The following ZSCAN2 variants were observed in gnomAD, a reference collection of about 807,000 sequenced individuals.
The protein encoded by ZSCAN2 is zinc finger and SCAN domain containing 2.
Under a neutral mutation model 47.8 loss-of-function variants are expected in ZSCAN2, and 26 were observed. The observed-to-expected ratio is 0.54, with a 90% CI of 0.40 to 0.75. The LOEUF (loss-of-function observed/expected upper bound fraction) is 0.75, where lower values mean the gene tolerates loss of function less well. ZSCAN2 is among the 30% of genes least tolerant of loss of function. The pLI is 0.00. For missense variants in ZSCAN2, 732 were observed against 785.4 expected (o/e 0.93, Z 0.81); for synonymous variants, 305 against 288.7 (o/e 1.06, Z -0.57).
At chr15:84,613,085 A>G (rs1270405992) in intron 2 of ZSCAN2, among the ~76,000 whole-genome samples, 1 of 152,178 alleles carries the variant, frequency 6.6e-6, no homozygotes, top group Non-Finnish European at 1.5e-5. Flanking sequence ...TTCTTCCAGC[A>G]TCATTTATTG....
intron 2 of ZSCAN2, among the ~76,000 whole-genome samples, chr15:84,618,348 G>A (rs1895742508): frequency 6.6e-6 from 1 of 152,126 alleles, no homozygotes; most frequent in African/African-American, 2.4e-5. Context: ...AACTCGGGAG[G>A]CTGAGGTTGC....
intron 2 of ZSCAN2, among the ~76,000 whole-genome samples, chr15:84,610,975 T>C (rs1895531246): frequency 1.3e-5 from 2 of 152,138 alleles, no homozygotes; most frequent in Admixed American, 6.5e-5. Flanking sequence ...ATAAACAATT[T>C]AGAAATGAAG....
intron 2 of ZSCAN2, among the ~76,000 whole-genome samples, chr15:84,613,098 T>G (rs1895599550): frequency 6.6e-6 from 1 of 152,252 alleles, no homozygotes; most frequent in East Asian, 1.9e-4. Flanking sequence ...ATTTATTGTA[T>G]GTTGTGTCTC....
intron 2 of ZSCAN2, 113 bp from the exon 3 acceptor site, chr15:84,620,489 A>G: frequency 1.1e-6 from 1 of 907,002 alleles, no homozygotes. Context: ...AGGATTTTCT[A>G]GCCTCTTTGT....
intron 2 of ZSCAN2, among the ~76,000 whole-genome samples, chr15:84,604,782 G>A (rs1204993610): frequency 6.4e-5 from 9 of 140,336 alleles, no homozygotes; most frequent in Non-Finnish European, 1.0e-4. Context: ...CTGTCACCCA[G>A]GCTGGGGTGC....
Position 84,621,902 on chromosome 15 carries a change from G to A in ZSCAN2, c.1707G>A (p.Trp569Ter), listed in dbSNP as rs776232351. 6.8e-6 allele frequency: 11 copies of A among 1,614,052 alleles called. No individual in the cohort carries two copies. The highest frequency in any genetic ancestry group is 8.5e-6 in the Non-Finnish European group (10 of 1,180,040). ...CTGAGTGTGGGAAAGGCTTTAGCTGGAACTCAGTCCTCATTATACATCAGC... is the reference window on the plus strand; with the variant it reads ...CTGAGTGTGGGAAAGGCTTTAGCTGAAACTCAGTCCTCATTATACATCAGC... ...RCPECGKGFS[W>*]NSVLIIHQRI... The change falls in exon 3 of 3, where the codon TGG (tryptophan) becomes TGA (stop). Residue 569 changes from tryptophan to a stop codon, truncating the protein, a stop_gained. Coordinates refer to ENST00000546148, the MANE Select transcript of ZSCAN2 (RefSeq NM_181877.4). LOFTEE classifies it high-confidence loss of function. This position sits in a 1 kb window ranked among gnomAD's most constrained non-coding sequence, Gnocchi z 5.7.
At chr15:84,601,713 AT>A (rs906519863) in intron 1 of ZSCAN2, among the ~76,000 whole-genome samples, 6 of 151,626 alleles carry the variant, frequency 4.0e-5, no homozygotes, top group African/African-American at 1.5e-4. Context: ...TTTTTAAAAA[AT>A]TTTTTTATTT....
chr15:84,603,686 C>A (rs1895280542), intron 1 of ZSCAN2, 134 bp from the exon 2 acceptor site: 7 of 426,476 alleles, frequency 1.6e-5, no homozygotes, highest in South Asian at 1.2e-4. Flanking sequence ...GCCATTTTTT[C>A]TTTAAGAAGA....
chr15:84,615,144 C>T (rs907942952), intron 2 of ZSCAN2, among the ~76,000 whole-genome samples: 4 of 151,904 alleles, frequency 2.6e-5, no homozygotes, highest in Admixed American at 6.6e-5. Flanking sequence ...TTAGTAGAGA[C>T]GGGGTTTCAC....
chr15:84,605,033 G>A (rs12438560), intron 2 of ZSCAN2, among the ~76,000 whole-genome samples: 3,514 of 152,260 alleles, frequency 0.023, 144 homozygotes, highest in Admixed American at 0.12. Context: ...ACCACGCCTG[G>A]CCCCAAAGTG....
chr15:84,604,933 T>C (rs1302202454), intron 2 of ZSCAN2, among the ~76,000 whole-genome samples: 1 of 152,012 alleles, frequency 6.6e-6, no homozygotes, highest in Non-Finnish European at 1.5e-5. Context: ...AGATGGGGCT[T>C]CACCATGTTC....
intron 1 of ZSCAN2, among the ~76,000 whole-genome samples, chr15:84,603,504 A>C (rs1019421819): frequency 6.6e-6 from 1 of 151,544 alleles, no homozygotes; most frequent in African/African-American, 2.4e-5. Context: ...AAGTAGCAGG[A>C]ACTACAGGCC....
rs569863882 is a variant in ZSCAN2 at position 84,619,450 on chromosome 15, T to C, written c.407-1152T>C. Among the ~76,000 whole-genome samples, 9 of 152,094 alleles carry C rather than the reference T, an allele frequency of 5.9e-5. No homozygotes were observed. In the South Asian group the frequency reaches 1.9e-3, roughly 32 times the overall value. On this transcript the variant is annotated intron_variant, in intron 2 of 2. Transcript: ENST00000546148. ...GTCTCAAAAAAAAAAAAAAAATCTA[T>C]TCATAAGCTCCCACTGCAGACAAAT...
rs539693614 is a variant in ZSCAN2 at position 84,609,837 on chromosome 15, A to G, written c.406+5504A>G. ...GGGGCTGGAGAAGAATTTTGAGCCAAACACACACCAAAGCACCAAAGACTG... is the reference window on the plus strand; with the variant it reads ...GGGGCTGGAGAAGAATTTTGAGCCAGACACACACCAAAGCACCAAAGACTG... On this transcript the variant is annotated intron_variant, in intron 2 of 2. Transcript: ENST00000546148. 3.3e-5 allele frequency among the ~76,000 whole-genome samples: 5 copies of G among 152,368 alleles called. No homozygotes were observed. The South Asian group carries it at 6.2e-4, about 19-fold the overall frequency.
chr15:84,614,566 G>C (rs1248918462), intron 2 of ZSCAN2: 2 of 152,150 alleles, frequency 1.3e-5, no homozygotes, highest in Non-Finnish European at 2.9e-5. Context: ...CCATTAATTT[G>C]TGTATGTTCA....
Position 84,603,487 on chromosome 15 carries a change from G to A in ZSCAN2, c.-108-333G>A, listed in dbSNP as rs139336600. On this transcript the variant is annotated intron_variant, in intron 1 of 2. Coordinates refer to ENST00000546148, the MANE Select transcript of ZSCAN2 (RefSeq NM_181877.4). Reference sequence around the variant, plus strand: ...GGGTTCAAGAGATTCTCCTGCCTCAGCCTCCCAAGTAGCAGGAACTACAGG... The same window carrying A: ...GGGTTCAAGAGATTCTCCTGCCTCAACCTCCCAAGTAGCAGGAACTACAGG... Among the ~76,000 whole-genome samples the A allele has an allele frequency of 1.0e-2, 1,510 of 151,538 alleles. 119 individuals carry two copies. In the East Asian group the frequency reaches 0.19, roughly 19 times the overall value.
rs183174636 is a variant in ZSCAN2 at position 84,623,173 on chromosome 15, C to T, written c.*1133C>T. The T allele has an allele frequency of 4.0e-3, 623 of 155,896 alleles. 1 individual carries two copies. The highest frequency in any genetic ancestry group is 6.1e-3 in the Non-Finnish European group (425 of 69,536). The allele number at this position is 155,896 out of a possible 1,614,324, so 9.7% of individuals were successfully genotyped here. A position where few individuals can be genotyped will look rare whatever the true frequency, so the allele number is the denominator to read the frequency against. Reference sequence around the variant, plus strand: ...TGCCATCTCAGCTCACTGCAAGCTCCGCCTCCCGGGTTCACGCCATTCTCC... The same window carrying T: ...TGCCATCTCAGCTCACTGCAAGCTCTGCCTCCCGGGTTCACGCCATTCTCC... On this transcript the variant is annotated 3_prime_UTR_variant, in exon 3 of 3. Transcript: ENST00000546148.
chr15:84,616,098 G>T (rs1220245679), intron 2 of ZSCAN2, among the ~76,000 whole-genome samples: 1 of 152,102 alleles, frequency 6.6e-6, no homozygotes, highest in Admixed American at 6.6e-5. Context: ...TGAGCCGGGG[G>T]TGGTGGTGTG....
At chr15:84,618,084 A>T (rs1025725179) in intron 2 of ZSCAN2, among the ~76,000 whole-genome samples, 3 of 152,202 alleles carry the variant, frequency 2.0e-5, no homozygotes, top group Non-Finnish European at 4.4e-5. Context: ...TTAATTGAGC[A>T]TCTAACCTTA....
Sources: gnomAD v4.1 joint callset for allele counts (sites outside exome capture counted in the v4.1 genomes callset) on GRCh38, gnomAD v4.1.1 for gene constraint, Gnocchi (gnomAD v3.1) non-coding constraint, MANE v1.5 for transcripts, NCBI Gene and HGNC (gene_info 2026-07-23, HGNC 2026-07-21) for gene names.